Variants in FRMD4A observed in about 807,000 individuals in gnomAD.
FRMD4A encodes FERM domain containing 4A.
In FRMD4A, 29 loss-of-function variants were observed where a neutral mutation model predicts 129.1. That is an observed-to-expected ratio of 0.22 (90% CI 0.17 to 0.31). FRMD4A has a LOEUF of 0.31. Ranked by LOEUF, FRMD4A falls within the 10% of genes least tolerant of loss-of-function variation. FRMD4A has a pLI of 1.00. For missense variants in FRMD4A, 1,272 were observed against 1,375.8 expected (o/e 0.92, Z 1.19); for synonymous variants, 634 against 571.6 (o/e 1.11, Z -1.56).
chr10:13,953,475 T>C (rs1460366098), intron 2 of FRMD4A, among the ~76,000 whole-genome samples: 1 of 152,162 alleles, frequency 6.6e-6, no homozygotes, highest in East Asian at 1.9e-4. Flanking sequence ...TTAAATTGCA[T>C]GTCATTCTGA....
intron 2 of FRMD4A, among the ~76,000 whole-genome samples, chr10:14,016,909 A>G (rs191635373): frequency 5.0e-4 from 76 of 152,362 alleles, no homozygotes; most frequent in African/African-American, 1.7e-3. Flanking sequence ...GACATCAAGG[A>G]CAAGGCCCAT....
chr10:14,120,986 C>T (rs1450104760), intron 2 of FRMD4A, among the ~76,000 whole-genome samples: 1 of 152,310 alleles, frequency 6.6e-6, no homozygotes, highest in East Asian at 1.9e-4. Flanking sequence ...TGTGATCTTA[C>T]CCTGCTGTAA....
intron 2 of FRMD4A, among the ~76,000 whole-genome samples, chr10:14,001,424 G>A (rs927791250): frequency 3.9e-5 from 6 of 152,150 alleles, no homozygotes; most frequent in African/African-American, 9.7e-5. Flanking sequence ...ATGCTGAAAC[G>A]CCTGGGAGTC....
At chr10:13,987,758 A>C (rs1271239253) in intron 2 of FRMD4A, among the ~76,000 whole-genome samples, 1 of 152,230 alleles carries the variant, frequency 6.6e-6, no homozygotes, top group Non-Finnish European at 1.5e-5. Context: ...AAGAACACAA[A>C]TGTTGCTGAT....
intron 2 of FRMD4A, among the ~76,000 whole-genome samples, chr10:13,875,338 T>A (rs1171326215): frequency 1.3e-5 from 2 of 152,118 alleles, no homozygotes; most frequent in Admixed American, 1.3e-4. Context: ...AACAGCAAGA[T>A]CCACAAGCAC....
chr10:13,689,198 C>CGGGGGGGGGGGG, intron 15 of FRMD4A, among the ~76,000 whole-genome samples: 1 of 68,072 alleles, frequency 1.5e-5, no homozygotes, highest in African/African-American at 4.5e-5. Flanking sequence ...AAACTCTTTG[C>CGGGGGGGGGGGG]GGGGGGGGGG....
intron 3 of FRMD4A, among the ~76,000 whole-genome samples, chr10:13,824,077 C>A (rs1246408720): frequency 2.0e-5 from 3 of 152,104 alleles, no homozygotes; most frequent in African/African-American, 7.2e-5. Context: ...AATAATATAT[C>A]ACTTCCAAGA....
At chr10:14,159,944 G>A (rs1224300817) in intron 2 of FRMD4A, among the ~76,000 whole-genome samples, 1 of 152,102 alleles carries the variant, frequency 6.6e-6, no homozygotes, top group Non-Finnish European at 1.5e-5. Context: ...CAGCTACTTG[G>A]GAGGCTGAGG....
intron 2 of FRMD4A, among the ~76,000 whole-genome samples, chr10:14,221,551 T>C (rs1843261329): frequency 6.6e-6 from 1 of 152,134 alleles, no homozygotes; most frequent in Non-Finnish European, 1.5e-5. Context: ...CTTTTAACCT[T>C]AGGGAGAAGT....
intron 2 of FRMD4A, among the ~76,000 whole-genome samples, chr10:13,940,832 T>G (rs1033081950): frequency 6.6e-6 from 1 of 152,196 alleles, no homozygotes; most frequent in Non-Finnish European, 1.5e-5. Context: ...CTCAGAAATG[T>G]CTTTACGATT....
chr10:13,984,974 C>T (rs1276147221), intron 2 of FRMD4A, among the ~76,000 whole-genome samples: 1 of 152,258 alleles, frequency 6.6e-6, no homozygotes, highest in Non-Finnish European at 1.5e-5. Flanking sequence ...CCTACTATTT[C>T]TGCCACAGGC....
intron 15 of FRMD4A, chr10:13,685,195 T>G (rs1345167544): frequency 6.1e-6 from 6 of 984,750 alleles, no homozygotes. Flanking sequence ...GCTTAGAAAT[T>G]TTAGAAATAA....
At chr10:14,026,890 T>C (rs968590229) in intron 2 of FRMD4A, among the ~76,000 whole-genome samples, 1 of 152,240 alleles carries the variant, frequency 6.6e-6, no homozygotes, top group African/African-American at 2.4e-5. Flanking sequence ...TGCAACATTG[T>C]TCTAGTTTTC....
chr10:14,059,653 T>G (rs2131700113), intron 2 of FRMD4A, among the ~76,000 whole-genome samples: 1 of 152,370 alleles, frequency 6.6e-6, no homozygotes, highest in South Asian at 2.1e-4. Context: ...CCACCCAGTC[T>G]GCTTTATTTT....
intron 2 of FRMD4A, among the ~76,000 whole-genome samples, chr10:13,964,568 T>A (rs920384563): frequency 3.3e-5 from 5 of 152,300 alleles, no homozygotes; most frequent in East Asian, 1.9e-4. Flanking sequence ...CTTCATGGGA[T>A]CTTCCAAGTC....
chr10:14,122,591 G>A (rs1445918869), intron 2 of FRMD4A, among the ~76,000 whole-genome samples: 1 of 150,790 alleles, frequency 6.6e-6, no homozygotes, highest in East Asian at 1.9e-4. Flanking sequence ...GGGTAGAGAA[G>A]GAGCAAGTGG....
At chr10:14,143,305 A>G (rs535585927) in intron 2 of FRMD4A, among the ~76,000 whole-genome samples, 1 of 152,264 alleles carries the variant, frequency 6.6e-6, no homozygotes. Flanking sequence ...AGCCTTAACA[A>G]GGAAGGAAAT....
chr10:13,786,987 C>T (rs1285263092), intron 5 of FRMD4A, among the ~76,000 whole-genome samples: 1 of 152,154 alleles, frequency 6.6e-6, no homozygotes, highest in Admixed American at 6.5e-5. Context: ...ATAACGCTTC[C>T]CTTTTCGTTT....
chr10:13,762,715 G>A, intron 6 of FRMD4A, 35 bp from the exon 7 acceptor site: 1 of 1,392,832 alleles, frequency 7.2e-7, no homozygotes, highest in Non-Finnish European at 1.0e-6. Context: ...AGACAAGTTT[G>A]GTATTTAACC....
Sources: gnomAD v4.1 joint callset for allele counts (sites outside exome capture counted in the v4.1 genomes callset) on GRCh38, gnomAD v4.1.1 for gene constraint, MANE v1.5 for transcripts, NCBI Gene and HGNC (gene_info 2026-07-23, HGNC 2026-07-21) for gene names.